The following DUSP8 variants were observed in gnomAD, a reference collection of about 807,000 sequenced individuals.
The protein encoded by DUSP8 is dual specificity phosphatase 8.
In DUSP8, 15 loss-of-function variants were observed where a neutral mutation model predicts 38.7. The observed-to-expected ratio is 0.39, with a 90% CI of 0.26 to 0.60. DUSP8 has a LOEUF of 0.60. DUSP8 is among the 20% of genes least tolerant of loss of function. DUSP8 has a pLI of 0.56. For missense variants in DUSP8, 768 were observed against 915.0 expected, an observed-to-expected ratio of 0.84 and a Z score of 2.07; for synonymous variants, 458 against 433.9, an observed-to-expected ratio of 1.06 and a Z score of -0.69.
At position 1,557,412 on chromosome 11, in the gene DUSP8, C is replaced by T. The variant is rs764293878; in HGVS notation, c.984G>A (p.Pro328=). ...AGGTAGGTGGTGGCAGCCGTGGCAGCGGGGCCCCGGCGGCAGGACTGGGCG... is the reference window on the plus strand; with the variant it reads ...AGGTAGGTGGTGGCAGCCGTGGCAGTGGGGCCCCGGCGGCAGGACTGGGCG... ...EPPPSPAAGA[P]LPRLPPPTSE... The change falls in exon 7 of 7, where the codon CCG becomes CCA. Residue 328 remains proline, a synonymous_variant. Coordinates refer to ENST00000397374, the MANE Select transcript of DUSP8 (RefSeq NM_004420.3). The surrounding 1 kb of genome is among the most constrained non-coding windows in gnomAD (Gnocchi z 9.9). 5 of 1,565,200 alleles carry T rather than the reference C, an allele frequency of 3.2e-6. No homozygotes were observed. Among genetic ancestry groups the T allele is most frequent in the Non-Finnish European group, 4.3e-6 (5 of 1,167,818 alleles).
intron 1 of DUSP8, among the ~76,000 whole-genome samples, chr11:1,566,541 G>A (rs183788747): frequency 2.0e-5 from 3 of 152,288 alleles, no homozygotes; most frequent in Non-Finnish European, 4.4e-5. Flanking sequence ...TAGCAGGCGG[G>A]TGCGGGAGGG....
Position 1,555,795 on chromosome 11 carries a change from T to G in DUSP8, c.*723A>C, listed in dbSNP as rs922528606. 1 of 152,290 alleles carries G rather than the reference T, an allele frequency of 6.6e-6. No homozygotes were observed. The highest frequency in any genetic ancestry group is 2.4e-5 in the African/African-American group (1 of 41,404). 9.4% of individuals were successfully genotyped at this position (152,290 alleles called of 1,614,324 possible). ...CCTCTGTCCTCCCCTGGGCTGCACCTCATCTGACGTTCCAGAACCCCCTGC... is the reference window on the plus strand; with the variant it reads ...CCTCTGTCCTCCCCTGGGCTGCACCGCATCTGACGTTCCAGAACCCCCTGC... On this transcript the variant is annotated 3_prime_UTR_variant, in exon 7 of 7. Coordinates refer to ENST00000397374, the MANE Select transcript of DUSP8 (RefSeq NM_004420.3).
chr11:1,564,063 G>A, intron 2 of DUSP8, 74 bp from the exon 3 acceptor site: 1 of 1,363,200 alleles, frequency 7.3e-7, no homozygotes. Flanking sequence ...AGATATGCTG[G>A]CTCAAGGGAA....
chr11:1,557,460 G>A lies in DUSP8; in HGVS notation c.936C>T (p.Thr312=). Residue 312 remains threonine (T), a synonymous_variant, in exon 7 of 7, where the codon ACC becomes ACT. Transcript: ENST00000397374. This position sits in a 1 kb window ranked among gnomAD's most constrained non-coding sequence, Gnocchi z 9.9. ...GCGGAGGCTCCGGCGTCCCTGAGGG[G>A]GTGCCCGGGTCGCCCTGCAGGGCGG... ...LLAALQGDPG[T]PSGTPEPPPS... 1.3e-6 allele frequency: 2 copies of A among 1,563,420 alleles called. No individual in the cohort carries two copies. Among genetic ancestry groups the A allele is most frequent in the Non-Finnish European group, 1.7e-6 (2 of 1,166,092 alleles).
chr11:1,559,394 T>C, intron 3 of DUSP8: 4 of 357,474 alleles, frequency 1.1e-5, no homozygotes, highest in Non-Finnish European at 2.0e-5. Context: ...CAGGCAGGGG[T>C]GGGCTCAGAG....
chr11:1,557,847 G>A lies in DUSP8; in HGVS notation c.768C>T (p.Ile256=), dbSNP rs767343651. The A allele has an allele frequency of 1.4e-5, 22 of 1,613,962 alleles. No homozygotes were observed. The highest frequency in any genetic ancestry group is 1.8e-5 in the Non-Finnish European group (21 of 1,180,020). The change falls in exon 6 of 7, where the codon ATC becomes ATT. Residue 256 remains isoleucine (I), a synonymous_variant. Coordinates refer to ENST00000397374, the MANE Select transcript of DUSP8 (RefSeq NM_004420.3). This position sits in a 1 kb window ranked among gnomAD's most constrained non-coding sequence, Gnocchi z 9.9. ...TGGTCTTCATGATGTAGGCGATGGCGATGGTGGCAGAGCGGGAGATGCCAG... is the reference window on the plus strand; with the variant it reads ...TGGTCTTCATGATGTAGGCGATGGCAATGGTGGCAGAGCGGGAGATGCCAG... The part of the protein sequence containing the change: ...CLAGISRSAT[I]AIAYIMKTMG...
intron 3 of DUSP8, among the ~76,000 whole-genome samples, chr11:1,562,587 G>C (rs1848736434): frequency 6.6e-6 from 1 of 152,078 alleles, no homozygotes; most frequent in African/African-American, 2.4e-5. Context: ...GTATATACAT[G>C]CATATACACG....
rs560985521 is a variant in DUSP8, at chr11:1,554,701, G to A, written c.*1817C>T. ...ACTGTCTCCCGGACAGCACAGGGGT[G>A]GGGGGCGAGAAGCGGGAAGCCAGTG... On this transcript the variant is annotated 3_prime_UTR_variant, in exon 7 of 7. Coordinates refer to ENST00000397374, the MANE Select transcript of DUSP8 (RefSeq NM_004420.3). 2.4e-6 allele frequency: 2 copies of A among 839,296 alleles called. No individual in the cohort carries two copies. Among genetic ancestry groups the A allele is most frequent in the South Asian group, 5.4e-5 (1 of 18,550 alleles). 52.0% of individuals were successfully genotyped at this position (839,296 alleles called of 1,614,324 possible).
chr11:1,562,200 A>G (rs919780796), intron 3 of DUSP8, among the ~76,000 whole-genome samples: 2 of 151,950 alleles, frequency 1.3e-5, no homozygotes, highest in Non-Finnish European at 1.5e-5. Flanking sequence ...AGCCCCCCAA[A>G]CCGTCCCACT....
In DUSP8 at chr11:1,557,081, T is replaced by C; in HGVS notation, c.1315A>G (p.Ser439Gly). 1 of 1,273,698 alleles carries C rather than the reference T, an allele frequency of 7.9e-7. No homozygotes were observed. Among genetic ancestry groups the C allele is most frequent in the Non-Finnish European group, 9.9e-7 (1 of 1,011,446 alleles). 78.9% of individuals were successfully genotyped at this position (1,273,698 alleles called of 1,614,324 possible). A position where few individuals can be genotyped will look rare whatever the true frequency, so the allele number is the denominator to read the frequency against. Reference protein sequence around the residue: ...SGAALGLSSPSPDSPDAAPEA... With the variant: ...SGAALGLSSPGPDSPDAAPEA... ...GGCGCGGCGTCCGGGCTGTCCGGGC[T>C]GGGCGAGGACAGGCCCAGCGCGGCC... Residue 439 changes from serine (S) to glycine (G), a missense_variant, in exon 7 of 7, where the codon AGC (serine) becomes GGC (glycine). By Grantham distance (56) the Ser-to-Gly change is moderately conservative. Around this residue, in one of 3 missense-constraint regions of DUSP8, gnomAD observed 474 missense variants for 430.8 expected, o/e 1.10. Transcript: ENST00000397374. This position sits in a 1 kb window ranked among gnomAD's most constrained non-coding sequence, Gnocchi z 9.9.
In DUSP8 at chr11:1,559,009, G is replaced by C; in HGVS notation, c.417C>G (p.Gly139=). Residue 139 remains glycine (G), a synonymous_variant, in exon 4 of 7, where the codon GGC becomes GGG. Coordinates refer to ENST00000397374, the MANE Select transcript of DUSP8 (RefSeq NM_004420.3). ...FSSCFPGLCE[G]KPAALLPMSL... is the part of the protein sequence containing the mutation. ...TCATGGGTAGCAGGGCAGCAGGCTT[G>C]CCCTCGCAGAGGCCGGGGAAGCAGG... 1 of 1,610,940 alleles carries C rather than the reference G, an allele frequency of 6.2e-7. No homozygotes were observed. The highest frequency in any genetic ancestry group is 1.1e-5 in the South Asian group (1 of 90,900).
rs1848596866 is a variant in DUSP8, at chr11:1,554,808, A to T, written c.*1710T>A. On this transcript the variant is annotated 3_prime_UTR_variant, in exon 7 of 7. Transcript: ENST00000397374. ...AAATTTACATAATTAATAATAATTA[A>T]CCAATAATAATAAATACTTAAACCT... is the stretch of plus-strand genomic sequence containing the variant. 7 of 552,032 alleles carry T rather than the reference A, an allele frequency of 1.3e-5. No homozygotes were observed. The highest frequency in any genetic ancestry group is 1.6e-5 in the Non-Finnish European group (7 of 433,998). The allele number at this position is 552,032 out of a possible 1,614,324, so 34.2% of individuals were successfully genotyped here.
chr11:1,565,725 G>A lies in DUSP8; in HGVS notation c.102C>T (p.Ser34=), dbSNP rs1383120503. The A allele has an allele frequency of 3.1e-6, 5 of 1,611,812 alleles. No homozygotes were observed. The highest frequency in any genetic ancestry group is 1.3e-5 in the African/African-American group (1 of 74,916). The part of the protein sequence containing the change: ...PGGPLVIDSR[S]FVEYNSWHVL... ...CATGCCAGCTGTTGTACTCCACGAA[G>A]GAGCGGCTGTCGATGACCAGCGGCC... Residue 34 remains serine, a synonymous_variant, in exon 2 of 7, where the codon TCC becomes TCT. Transcript: ENST00000397374.
At chr11:1,570,161 T>G (rs1301457015) in intron 1 of DUSP8, among the ~76,000 whole-genome samples, 1 of 152,168 alleles carries the variant, frequency 6.6e-6, no homozygotes, top group East Asian at 1.9e-4. Flanking sequence ...ATGGGAGGAC[T>G]TGGCACAAGG....
In DUSP8 at chr11:1,572,091, GCGCGCGCACTGCGGGCGGGCA is replaced by G. The variant is rs1848911945; in HGVS notation, c.-320_-300del. Among the ~76,000 whole-genome samples the G allele has an allele frequency of 6.9e-6, 1 of 145,570 alleles. No homozygotes were observed. The highest frequency in any genetic ancestry group is 1.5e-5 in the Non-Finnish European group (1 of 65,608). ...GCGGGGAGCGCTCGCTCGGGCCGGG[GCGCGCGCACTGCGGGCGGGCA>G]CGCGCGCTCGCGGCGCGCATCCCAG... On this transcript the variant is annotated 5_prime_UTR_variant, in exon 1 of 7. Transcript: ENST00000397374. This position sits in a 1 kb window ranked among gnomAD's most constrained non-coding sequence, Gnocchi z 4.7.
In DUSP8 at chr11:1,554,584, C is replaced by T. The variant is rs1564930351; in HGVS notation, c.*1934G>A. On this transcript the variant is annotated 3_prime_UTR_variant, in exon 7 of 7. Transcript: ENST00000397374. ...AGTGCCTCAAGAGTGGGAGCAGAGA[C>T]AGACTGAGACAGACAGCCCCCCTCA... 4.2e-6 allele frequency: 4 copies of T among 962,860 alleles called. No individual in the cohort carries two copies. In the East Asian group the frequency reaches 3.4e-4, roughly 83 times the overall value. The allele number at this position is 962,860 out of a possible 1,614,324, so 59.6% of individuals were successfully genotyped here. A position where few individuals can be genotyped will look rare whatever the true frequency, so the allele number is the denominator to read the frequency against.
chr11:1,561,781 C>A (rs765702594), intron 3 of DUSP8, among the ~76,000 whole-genome samples: 29 of 152,204 alleles, frequency 1.9e-4, no homozygotes, highest in Non-Finnish European at 3.8e-4. Flanking sequence ...CCTGGAACAT[C>A]CCTTCTCCTG....
chr11:1,558,772 G>A lies in DUSP8; in HGVS notation c.537+117C>T. ...CCCACCCATGCTTCTCCCACACCCA[G>A]CTCATCCACTGCCTTCAGCTCCTTT... On this transcript the variant is annotated intron_variant, in intron 4 of 6. Coordinates refer to ENST00000397374, the MANE Select transcript of DUSP8 (RefSeq NM_004420.3). The surrounding 1 kb of genome is among the most constrained non-coding windows in gnomAD (Gnocchi z 6.3). 2 of 1,266,180 alleles carry A rather than the reference G, an allele frequency of 1.6e-6. No individual in the cohort carries two copies. Among genetic ancestry groups the A allele is most frequent in the Non-Finnish European group, 2.2e-6 (2 of 915,910 alleles). 78.4% of individuals were successfully genotyped at this position (1,266,180 alleles called of 1,614,324 possible).
chr11:1,565,653 C>T lies in DUSP8; in HGVS notation c.174G>A (p.Arg58=), dbSNP rs1848790129. Residue 58 remains arginine, a synonymous_variant, in exon 2 of 7, where the codon CGG becomes CGA. Coordinates refer to ENST00000397374, the MANE Select transcript of DUSP8 (RefSeq NM_004420.3). Reference sequence around the variant, plus strand: ...CAATGGTCACCTTGCCCTGCTGCAGCCGCCGCTTCACCAGCTTGGAGCAGC... The same window carrying T: ...CAATGGTCACCTTGCCCTGCTGCAGTCGCCGCTTCACCAGCTTGGAGCAGC... ...NICCSKLVKR[R]LQQGKVTIAE... is the part of the protein sequence containing the mutation. 3 of 1,611,238 alleles carry T rather than the reference C, an allele frequency of 1.9e-6. No individual in the cohort carries two copies. Among genetic ancestry groups the T allele is most frequent in the East Asian group, 4.5e-5 (2 of 44,846 alleles).
Sources: gnomAD v4.1 joint callset for allele counts (sites outside exome capture counted in the v4.1 genomes callset) on GRCh38, gnomAD v4.1.1 for gene constraint, gnomAD v4.1.1 regional missense constraint, Gnocchi (gnomAD v3.1) non-coding constraint, MANE v1.5 for transcripts, NCBI Gene and HGNC (gene_info 2026-07-23, HGNC 2026-07-21) for gene names.